The following NRXN1 variants were observed in gnomAD, a reference collection of about 807,000 sequenced individuals.
NRXN1 encodes the protein neurexin 1.
NRXN1 carries 39 observed loss-of-function variants against 150.9 expected under a neutral mutation model. That is an observed-to-expected ratio of 0.26 (90% confidence interval 0.20 to 0.34). The LOEUF is 0.34. Ranked by LOEUF, NRXN1 falls within the 10% of genes least tolerant of loss-of-function variation. The pLI is 1.00. For synonymous variants in NRXN1, 924 were observed against 757.0 expected, an observed-to-expected ratio of 1.22 and a Z score of -3.62; for missense variants, 1,815 against 1,949.9, an observed-to-expected ratio of 0.93 and a Z score of 1.30.
At chr2:50,369,977 C>G (rs1949569) in intron 17 of NRXN1, among the ~76,000 whole-genome samples, 3 of 151,778 alleles carry the variant, frequency 2.0e-5, no homozygotes, top group African/African-American at 7.3e-5. Flanking sequence ...CATGGCTAAT[C>G]GCAAAGGTAA....
intron 2 of NRXN1, among the ~76,000 whole-genome samples, chr2:50,958,599 T>G (rs987151969): frequency 3.3e-5 from 5 of 152,148 alleles, no homozygotes; most frequent in African/African-American, 1.2e-4. Context: ...AGTTCCACTT[T>G]CCTTAGCCTT....
chr2:50,069,996 A>G lies in NRXN1; in HGVS notation c.3719-14952T>C, dbSNP rs556627177. On this transcript the variant is annotated intron_variant, in intron 19 of 22. Coordinates refer to ENST00000401669, the MANE Select transcript of NRXN1 (RefSeq NM_001330078.2). ...CTCCCGAGTAGCTGGAACTACAGGC[A>G]CCCGCCACCACACCCACCTAATTTT... 2.8e-4 allele frequency among the ~76,000 whole-genome samples: 43 copies of G among 151,476 alleles called. 1 individual carries two copies. In the East Asian group the frequency reaches 7.7e-3, roughly 27 times the overall value.
chr2:50,450,733 G>A (rs532526930), intron 17 of NRXN1, among the ~76,000 whole-genome samples: 1 of 152,232 alleles, frequency 6.6e-6, no homozygotes, highest in African/African-American at 2.4e-5. Flanking sequence ...CTGCGTTTTA[G>A]GCCAGAAGCA....
intron 5 of NRXN1, among the ~76,000 whole-genome samples, chr2:50,707,979 G>C (rs1000447208): frequency 3.3e-5 from 5 of 152,094 alleles, no homozygotes; most frequent in Non-Finnish European, 7.3e-5. Flanking sequence ...TAAAAATGTG[G>C]ATTGCTAACT....
At chr2:50,063,358 C>A (rs1450695897) in intron 19 of NRXN1, among the ~76,000 whole-genome samples, 1 of 152,078 alleles carries the variant, frequency 6.6e-6, no homozygotes, top group Non-Finnish European at 1.5e-5. Flanking sequence ...AAGCCGAATA[C>A]ACATATATAA....
intron 17 of NRXN1, chr2:50,464,457 T>C (rs1456834535): frequency 1.3e-5 from 2 of 152,044 alleles, no homozygotes; most frequent in East Asian, 3.9e-4. Context: ...GCGATGCACA[T>C]ATCTGTTGAC....
At chr2:50,268,560 C>G (rs2069168074) in intron 17 of NRXN1, among the ~76,000 whole-genome samples, 1 of 152,126 alleles carries the variant, frequency 6.6e-6, no homozygotes, top group African/African-American at 2.4e-5. Context: ...CTCAGGGAGT[C>G]AATCCCTTCA....
intron 17 of NRXN1, among the ~76,000 whole-genome samples, chr2:50,287,458 T>C (rs1046562422): frequency 3.3e-5 from 5 of 152,144 alleles, no homozygotes; most frequent in Admixed American, 3.3e-4. Context: ...GCTTTTGTTT[T>C]TTAGATATAT....
At chr2:50,641,738 C>A (rs187770380) in intron 5 of NRXN1, among the ~76,000 whole-genome samples, 32 of 152,182 alleles carry the variant, frequency 2.1e-4, no homozygotes, top group African/African-American at 7.7e-4. Flanking sequence ...TCACATTCAG[C>A]AGAAAAGATC....
At chr2:50,237,714 T>A (rs1390403944) in intron 17 of NRXN1, among the ~76,000 whole-genome samples, 1 of 152,020 alleles carries the variant, frequency 6.6e-6, no homozygotes, top group Non-Finnish European at 1.5e-5. Context: ...TATGGTTGTC[T>A]GGTCAGTAAA....
At chr2:50,852,055 C>G (rs1210642217) in intron 5 of NRXN1, among the ~76,000 whole-genome samples, 1 of 152,120 alleles carries the variant, frequency 6.6e-6, no homozygotes, top group African/African-American at 2.4e-5. Flanking sequence ...GCAAGGGACA[C>G]AGGTGGAAGG....
At chr2:50,558,384 T>C (rs1668550009) in intron 8 of NRXN1, among the ~76,000 whole-genome samples, 1 of 152,230 alleles carries the variant, frequency 6.6e-6, no homozygotes, top group African/African-American at 2.4e-5. Context: ...AGTTGCTAAG[T>C]AGATTCACAA....
chr2:50,411,359 G>A (rs905488146), intron 17 of NRXN1, among the ~76,000 whole-genome samples: 2 of 152,070 alleles, frequency 1.3e-5, no homozygotes, highest in East Asian at 3.9e-4. Flanking sequence ...GTGCAGTGGC[G>A]TGATCTCGGC....
At chr2:50,643,275 C>T (rs1433933552) in intron 5 of NRXN1, among the ~76,000 whole-genome samples, 1 of 151,844 alleles carries the variant, frequency 6.6e-6, no homozygotes, top group East Asian at 1.9e-4. Flanking sequence ...TTTAAACATT[C>T]CAATCCTTTA....
intron 17 of NRXN1, among the ~76,000 whole-genome samples, chr2:50,463,536 C>T (rs2088474174): frequency 6.6e-6 from 1 of 151,816 alleles, no homozygotes; most frequent in African/African-American, 2.4e-5. Flanking sequence ...ATGACATTTA[C>T]CTATTTACAA....
chr2:50,823,955 T>C (rs1670085618), intron 5 of NRXN1, among the ~76,000 whole-genome samples: 2 of 152,156 alleles, frequency 1.3e-5, no homozygotes, highest in South Asian at 4.1e-4. Context: ...CCAACATCTA[T>C]GGTAAGCCTC....
chr2:50,663,016 G>T (rs574674764), intron 5 of NRXN1, among the ~76,000 whole-genome samples: 3 of 151,960 alleles, frequency 2.0e-5, no homozygotes, highest in Non-Finnish European at 2.9e-5. Flanking sequence ...AAATCATTAG[G>T]ATGCATGGAG....
At chr2:50,392,214 C>A (rs1004556713) in intron 17 of NRXN1, among the ~76,000 whole-genome samples, 1 of 152,092 alleles carries the variant, frequency 6.6e-6, no homozygotes, top group African/African-American at 2.4e-5. Flanking sequence ...CAAAAATACA[C>A]TAAAGGAGAA....
chr2:50,107,520 C>T (rs74933227), intron 18 of NRXN1, among the ~76,000 whole-genome samples: 31,635 of 135,320 alleles, frequency 0.23, 3,974 homozygotes, highest in Middle Eastern at 0.32. Context: ...TTCCAGACTA[C>T]ATATATATAT....
Sources: allele counts gnomAD v4.1 joint callset (sites outside exome capture counted in the v4.1 genomes callset), GRCh38; gene constraint gnomAD v4.1.1; transcripts MANE v1.5; gene names NCBI Gene and HGNC (gene_info 2026-07-23, HGNC 2026-07-21).